CFAP99: variants seen among roughly 807,000 people sequenced by gnomAD.
CFAP99 encodes cilia- and flagella-associated protein 99.
In CFAP99, 84 loss-of-function variants were observed where a neutral mutation model predicts 82.7. The observed-to-expected ratio is 1.02, with a 90% CI of 0.85 to 1.22. The LOEUF (loss-of-function observed/expected upper bound fraction) is 1.22, where lower values mean the gene tolerates loss of function less well. Among genes scored for constraint, CFAP99 ranks in the 50% most tolerant of loss-of-function variants. The pLI, the probability that CFAP99 is intolerant of heterozygous loss-of-function variation, is 0.00. For missense variants in CFAP99, 1,059 were observed against 983.5 expected (o/e 1.08, Z -1.03); for synonymous variants, 456 against 429.5 (o/e 1.06, Z -0.76).
At chr4:2,423,840 C>A (rs959289631) in intron 1 of CFAP99, among the ~76,000 whole-genome samples, 2 of 150,554 alleles carry the variant, frequency 1.3e-5, no homozygotes, top group African/African-American at 4.9e-5. Context: ...ACCGCACTGG[C>A]GCAGGAACGC....
intron 14 of CFAP99, among the ~76,000 whole-genome samples, chr4:2,460,744 TTTTTTG>T (rs1206356862): frequency 3.3e-5 from 5 of 151,782 alleles, no homozygotes; most frequent in South Asian, 2.1e-4. Flanking sequence ...TGGCCAACTG[TTTTTTG>T]TTTTTGTTTT....
intron 11 of CFAP99, 149 bp from the exon 12 acceptor site, chr4:2,458,574 T>G (rs28517366): frequency 4.3e-6 from 4 of 923,500 alleles, no homozygotes; most frequent in South Asian, 4.7e-5. Context: ...CCGCCAGGAG[T>G]GAATGGGCTT....
At chr4:2,439,221 CT>C (rs1207846110) in intron 4 of CFAP99, among the ~76,000 whole-genome samples, 1 of 152,242 alleles carries the variant, frequency 6.6e-6, no homozygotes, top group East Asian at 1.9e-4. Context: ...GTTGCGGAAA[CT>C]GGGGCACAGA....
chr4:2,421,429 A>G (rs1298063109), intron 1 of CFAP99, among the ~76,000 whole-genome samples: 1 of 132,400 alleles, frequency 7.6e-6, no homozygotes, highest in Non-Finnish European at 1.5e-5. Flanking sequence ...ATCTCAGCTC[A>G]CTGCGACCTC....
At chr4:2,450,026 G>A in intron 8 of CFAP99, 21 bp downstream of exon 8, 1 of 1,535,424 alleles carries the variant, frequency 6.5e-7, no homozygotes, top group Non-Finnish European at 8.7e-7. Context: ...GCTCTCTCAA[G>A]ACCCATCATC....
intron 1 of CFAP99, among the ~76,000 whole-genome samples, chr4:2,420,428 C>T (rs1169182726): frequency 6.6e-6 from 1 of 152,160 alleles, no homozygotes; most frequent in Non-Finnish European, 1.5e-5. Flanking sequence ...AAACCTGCTG[C>T]TCCCAAAGCC....
chr4:2,459,876 G>T (rs188328948), intron 13 of CFAP99, among the ~76,000 whole-genome samples, 161 bp from the exon 14 acceptor site: 1 of 152,240 alleles, frequency 6.6e-6, no homozygotes. Context: ...GTTGCAGAGC[G>T]GAGCCCAGGC....
chr4:2,425,179 G>A (rs528624863), intron 1 of CFAP99, among the ~76,000 whole-genome samples: 1 of 152,276 alleles, frequency 6.6e-6, no homozygotes, highest in Non-Finnish European at 1.5e-5. Context: ...CTCTTCTCTT[G>A]CATGGCAGTG....
chr4:2,445,896 C>G (rs1251070390), intron 6 of CFAP99, among the ~76,000 whole-genome samples: 1 of 152,166 alleles, frequency 6.6e-6, no homozygotes, highest in Non-Finnish European at 1.5e-5. Flanking sequence ...TGAGAGGACA[C>G]CTGGGGCCAA....
In CFAP99 at chr4:2,418,983, G is replaced by C. The variant is rs1228442343; in HGVS notation, c.-128G>C. 3 of 152,150 alleles carry C rather than the reference G, an allele frequency of 2.0e-5. No homozygotes were observed. The highest frequency in any genetic ancestry group is 1.9e-4 in the East Asian group (1 of 5,182). 9.4% of individuals were successfully genotyped at this position (152,150 alleles called of 1,614,324 possible). A position where few individuals can be genotyped will look rare whatever the true frequency, so the allele number is the denominator to read the frequency against. ...AAACAGCCGCGGCGTCCTGCCTACC[G>C]GGAGCTGACGGACGACGACTGCCAA... On this transcript the variant is annotated 5_prime_UTR_variant, in exon 1 of 15. Transcript: ENST00000635017. The surrounding 1 kb of genome is among the most constrained non-coding windows in gnomAD (Gnocchi z 4.6).
chr4:2,450,281 C>T (rs1560386959), intron 8 of CFAP99: 8 of 499,362 alleles, frequency 1.6e-5, no homozygotes, highest in East Asian at 3.3e-5. Flanking sequence ...CCAGATGTTC[C>T]GTGACAAGCA....
At chr4:2,451,142 C>T in intron 9 of CFAP99, 122 bp from the exon 10 acceptor site, 1 of 1,452,248 alleles carries the variant, frequency 6.9e-7, no homozygotes, top group Non-Finnish European at 9.3e-7. Context: ...ACGGCCCCAC[C>T]CTGGGGGATA....
chr4:2,456,739 G>A (rs1050930279), intron 11 of CFAP99, among the ~76,000 whole-genome samples: 22 of 150,520 alleles, frequency 1.5e-4, no homozygotes, highest in African/African-American at 4.9e-4. Context: ...GGCTGGTCTC[G>A]AACTCCCGAT....
At chr4:2,423,773 C>T (rs1406837824) in intron 1 of CFAP99, among the ~76,000 whole-genome samples, 2 of 152,206 alleles carry the variant, frequency 1.3e-5, no homozygotes, top group Admixed American at 6.5e-5. Context: ...GGCTTCTGAT[C>T]TGGTGTTCTC....
intron 8 of CFAP99, 136 bp downstream of exon 8, chr4:2,450,141 G>A: frequency 1.1e-6 from 1 of 875,292 alleles, no homozygotes; most frequent in Non-Finnish European, 1.8e-6. Flanking sequence ...CGGATTCCCA[G>A]TAGCACTGGG....
intron 14 of CFAP99, among the ~76,000 whole-genome samples, chr4:2,460,896 G>A (rs554089512): frequency 1.1e-3 from 165 of 152,122 alleles, no homozygotes; most frequent in Non-Finnish European, 2.1e-3. Flanking sequence ...ACACCACCAC[G>A]CCCGGCTAAC....
At chr4:2,463,000 CGG>C (rs1192077137), downstream of CFAP99, 1 of 837,646 alleles carries the variant, frequency 1.2e-6, no homozygotes, top group East Asian at 3.7e-5. This position sits in a 1 kb window ranked among gnomAD's most constrained non-coding sequence, Gnocchi z 4.1. Flanking sequence ...GTGCGGCCCG[CGG>C]TGCGCGCCTC....
At chr4:2,443,033 CTTGGGGGCA>C in intron 4 of CFAP99, 88 bp from the exon 5 acceptor site, 1 of 626,216 alleles carries the variant, frequency 1.6e-6, no homozygotes, top group Non-Finnish European at 2.9e-6. Context: ...TGCTGGGGGC[CTTGGGGGCA>C]GGGAGCTCAC....
At chr4:2,443,242 G>A (rs1309489927) in exon 5 of CFAP99, 4 of 1,529,560 alleles carry the variant, frequency 2.6e-6, no homozygotes, top group Non-Finnish European at 3.5e-6. Context: ...CCCCTGATGA[G>A]GTAGGCTGGA....
Sources: gnomAD v4.1 joint callset for allele counts (sites outside exome capture counted in the v4.1 genomes callset) on GRCh38, gnomAD v4.1.1 for gene constraint, Gnocchi (gnomAD v3.1) non-coding constraint, MANE v1.5 for transcripts, NCBI Gene and HGNC (gene_info 2026-07-23, HGNC 2026-07-21) for gene names.